Variants in KAZN observed in about 807,000 individuals in gnomAD.
KAZN encodes the protein kazrin, periplakin interacting protein.
Under a neutral mutation model 87.4 loss-of-function variants are expected in KAZN, and 40 were observed. That is an observed-to-expected ratio of 0.46 (90% CI 0.36 to 0.60). KAZN has a LOEUF of 0.60. KAZN is among the 20% of genes least tolerant of loss of function. The pLI is 0.00. For missense variants in KAZN, 898 were observed against 1,073.9 expected, an observed-to-expected ratio of 0.84 and a Z score of 2.29; for synonymous variants, 466 against 458.3, an observed-to-expected ratio of 1.02 and a Z score of -0.22.
At chr1:14,891,167 A>G (rs1164684885) in intron 1 of KAZN, among the ~76,000 whole-genome samples, 1 of 152,008 alleles carries the variant, frequency 6.6e-6, no homozygotes. Flanking sequence ...CTAAAAATTT[A>G]TTGTTTCCAT....
intron 1 of KAZN, among the ~76,000 whole-genome samples, chr1:14,940,018 G>A (rs559915535): frequency 3.3e-5 from 5 of 152,264 alleles, no homozygotes; most frequent in South Asian, 2.1e-4. Flanking sequence ...CCCCTGAAGC[G>A]CTTAAATGCC....
At chr1:14,070,981 G>A (rs1643226146) in intron 1 of KAZN, among the ~76,000 whole-genome samples, 1 of 152,164 alleles carries the variant, frequency 6.6e-6, no homozygotes, top group African/African-American at 2.4e-5. Context: ...CGTTGAGTTA[G>A]GATCCAAACC....
chr1:14,132,196 C>T (rs747505318), intron 1 of KAZN, among the ~76,000 whole-genome samples: 1 of 152,220 alleles, frequency 6.6e-6, no homozygotes, highest in Non-Finnish European at 1.5e-5. Context: ...GACACCCCAT[C>T]TCCTGTCTCC....
rs1003490734 is a variant in KAZN at position 14,128,272 on chromosome 1, G to A, written c.92-52163G>A. On this transcript the variant is annotated intron_variant, in intron 1 of 16. Coordinates refer to the KAZN transcript ENST00000636203. ...GCTGGTGCCTGAGGCTGGCATGAAG[G>A]CCTCTCCATGGGCAGCCAAGTGGGG... is the stretch of plus-strand genomic sequence containing the variant. Among the ~76,000 whole-genome samples, 7 of 152,154 alleles carry A rather than the reference G, an allele frequency of 4.6e-5. No individual in the cohort carries two copies. In the South Asian group the frequency reaches 6.2e-4, roughly 14 times the overall value.
intron 1 of KAZN, among the ~76,000 whole-genome samples, chr1:14,028,567 A>C (rs1348277539): frequency 6.6e-6 from 1 of 152,236 alleles, no homozygotes; most frequent in South Asian, 2.1e-4. Flanking sequence ...AGACACGACC[A>C]GCTCCTATCT....
chr1:14,361,354 T>A (rs751171136), intron 2 of KAZN, among the ~76,000 whole-genome samples: 4 of 152,194 alleles, frequency 2.6e-5, no homozygotes, highest in Non-Finnish European at 5.9e-5. Flanking sequence ...AGCCAGTGGA[T>A]CTTAGCTTGC....
chr1:14,633,647 A>G (rs569612627), intron 1 of KAZN, among the ~76,000 whole-genome samples: 2 of 152,278 alleles, frequency 1.3e-5, no homozygotes, highest in East Asian at 1.9e-4. Context: ...GCAGCAGCCT[A>G]TAGGAAACTT....
chr1:14,384,711 G>C (rs77945263), intron 2 of KAZN, among the ~76,000 whole-genome samples: 2 of 150,190 alleles, frequency 1.3e-5, no homozygotes, highest in African/African-American at 4.9e-5. Flanking sequence ...TGCTGGATTC[G>C]GTTTGCCAGT....
rs75930488 is a variant in KAZN at position 14,553,434 on chromosome 1, C to A, written c.250-45549C>A. On this transcript the variant is annotated intron_variant, in intron 2 of 16. Transcript: ENST00000636203. ...TGGTAACTAATTCAAAACCATGTTC[C>A]GCCCCATGCAAGTGAAACTCAACAT... 5.5e-4 allele frequency among the ~76,000 whole-genome samples: 83 copies of A among 152,266 alleles called. 1 individual carries two copies. The East Asian group carries it at 0.014, about 27-fold the overall frequency.
chr1:14,477,072 A>G (rs574356244), intron 2 of KAZN, among the ~76,000 whole-genome samples: 6 of 152,302 alleles, frequency 3.9e-5, no homozygotes, highest in African/African-American at 1.4e-4. Context: ...GTCCCCACCC[A>G]AATCTCATCT....
At chr1:14,107,363 TTTTGTTTGTTTG>T (rs143992993) in intron 1 of KAZN, among the ~76,000 whole-genome samples, 1 of 151,420 alleles carries the variant, frequency 6.6e-6, no homozygotes, top group African/African-American at 2.4e-5. Flanking sequence ...CAAGATGGTT[TTTTGTTTGTTTG>T]TTTGTTTGTT....
intron 1 of KAZN, among the ~76,000 whole-genome samples, chr1:14,140,537 C>T (rs904297804): frequency 6.6e-6 from 1 of 152,102 alleles, no homozygotes; most frequent in Non-Finnish European, 1.5e-5. Flanking sequence ...TCCCACCCCC[C>T]TTTTCGCTAT....
chr1:14,607,545 G>A (rs976384261), intron 1 of KAZN, among the ~76,000 whole-genome samples: 1 of 152,296 alleles, frequency 6.6e-6, no homozygotes, highest in Non-Finnish European at 1.5e-5. Context: ...CTCATTCATC[G>A]TCAATCCTCA....
At chr1:14,588,308 T>A (rs1023900571) in intron 2 of KAZN, among the ~76,000 whole-genome samples, 14 of 152,318 alleles carry the variant, frequency 9.2e-5, no homozygotes, top group East Asian at 3.9e-4. Context: ...AGAAAAGAGG[T>A]ATATGGTTGC....
rs989676166 is a variant in KAZN, at chr1:14,745,918, C to A, written c.226+146695C>A. ...TTTCAAAAGACTGTTCTGGGCGAAC[C>A]GTTCTGCTGGGCACTTGGCATCCCC... is the stretch of plus-strand genomic sequence containing the variant. On this transcript the variant is annotated intron_variant, in intron 1 of 14. Transcript: ENST00000376030. 3.3e-5 allele frequency among the ~76,000 whole-genome samples: 5 copies of A among 152,098 alleles called. No homozygotes were observed. The South Asian group carries it at 6.2e-4, about 19-fold the overall frequency.
In KAZN at chr1:14,107,891, G is replaced by T. The variant is rs1422878937; in HGVS notation, c.92-72544G>T. 2.6e-5 allele frequency among the ~76,000 whole-genome samples: 4 copies of T among 152,136 alleles called. No individual in the cohort carries two copies. The East Asian group carries it at 7.7e-4, about 29-fold the overall frequency. On this transcript the variant is annotated intron_variant, in intron 1 of 16. Transcript: ENST00000636203. ...CCAAGAAACCTACCTGGCCCACCTT[G>T]TCACACTCCAGCTTTATGTACTTGA... is the stretch of plus-strand genomic sequence containing the variant.
intron 1 of KAZN, among the ~76,000 whole-genome samples, chr1:14,068,279 G>A (rs768689188): frequency 1.3e-5 from 2 of 152,198 alleles, no homozygotes; most frequent in Non-Finnish European, 2.9e-5. Context: ...GTGTGACGAT[G>A]TTTTGGAAGA....
rs70987708 is a variant in KAZN, at chr1:13,963,759, C to CTGTGTGTG, written c.91+70041_91+70048dup. ...AAGGGTTAAATGTTTCTGCTGTGGT[C>CTGTGTGTG]TGTGTGTGTGTGTGTGTGTGTGTGT... On this transcript the variant is annotated intron_variant, in intron 1 of 16. Coordinates refer to the KAZN transcript ENST00000636203. Among the ~76,000 whole-genome samples, 119 of 142,006 alleles carry CTGTGTGTG rather than the reference C, an allele frequency of 8.4e-4. 1 individual carries two copies. The East Asian group carries it at 0.015, about 18-fold the overall frequency. 93.2% of individuals were successfully genotyped at this position (142,006 alleles called of 152,430 possible).
At chr1:14,633,140 C>T (rs1218476407) in intron 1 of KAZN, among the ~76,000 whole-genome samples, 3 of 152,114 alleles carry the variant, frequency 2.0e-5, no homozygotes, top group Non-Finnish European at 4.4e-5. Context: ...TGGTCTCGAA[C>T]TCCTGACCTC....
Sources: gnomAD v4.1 joint callset for allele counts (sites outside exome capture counted in the v4.1 genomes callset) on GRCh38, gnomAD v4.1.1 for gene constraint, MANE v1.5 for transcripts, NCBI Gene and HGNC (gene_info 2026-07-23, HGNC 2026-07-21) for gene names.